NEBL: variants seen among roughly 807,000 people sequenced by gnomAD.
NEBL encodes LIM and SH3 protein 2.
In NEBL, 122 loss-of-function variants were observed where a neutral mutation model predicts 140.2. That is an observed-to-expected ratio of 0.87 (90% CI 0.75 to 1.01). The LOEUF (loss-of-function observed/expected upper bound fraction) is 1.01, where lower values mean the gene tolerates loss of function less well. Among genes scored for constraint, NEBL ranks in the 50% least tolerant of loss-of-function variants. The pLI, the probability that NEBL is intolerant of heterozygous loss-of-function variation, is 0.00. For synonymous variants in NEBL, 436 were observed against 398.9 expected, an observed-to-expected ratio of 1.09 and a Z score of -1.11; for missense variants, 1,365 against 1,231.3, an observed-to-expected ratio of 1.11 and a Z score of -1.62.
chr10:21,238,435 C>CA (rs891753456), intron 3 of NEBL, among the ~76,000 whole-genome samples: 57 of 152,062 alleles, frequency 3.7e-4, no homozygotes, highest in Non-Finnish European at 7.5e-4. Flanking sequence ...CCCGGTGGCT[C>CA]ACGCCTGTAA....
At chr10:20,956,963 G>A (rs565876309) in intron 4 of NEBL, among the ~76,000 whole-genome samples, 4 of 152,230 alleles carry the variant, frequency 2.6e-5, no homozygotes, top group South Asian at 2.1e-4. Context: ...TTGACTGCTT[G>A]TCTTCTGTCC....
chr10:20,820,811 T>G (rs574362896), intron 19 of NEBL, among the ~76,000 whole-genome samples: 7 of 151,338 alleles, frequency 4.6e-5, no homozygotes, highest in African/African-American at 1.7e-4. Flanking sequence ...GGTGACAGAG[T>G]AAGACTCTAT....
At chr10:21,041,029 C>T (rs77141181) in intron 2 of NEBL, among the ~76,000 whole-genome samples, 2,662 of 152,210 alleles carry the variant, frequency 0.017, 84 homozygotes, top group African/African-American at 0.061. Context: ...CAGGTAGTTC[C>T]TTATAGCAAT....
rs557877072 is a variant in NEBL, at chr10:21,259,061, G to C, written n.183-7233C>G. 2.7e-5 allele frequency among the ~76,000 whole-genome samples: 4 copies of C among 150,664 alleles called. No homozygotes were observed. In the South Asian group the frequency reaches 8.4e-4, roughly 32 times the overall value. On this transcript the variant is annotated intron_variant and non_coding_transcript_variant, in intron 1 of 8. Coordinates refer to the NEBL transcript ENST00000675702. ...TAGTGGTGATACTTGGGGAAAAAAA[G>C]ACGCACAGTCTTTTTTTTTTTTTAA...
chr10:21,255,087 C>A (rs949338237), intron 1 of NEBL, among the ~76,000 whole-genome samples: 23 of 152,002 alleles, frequency 1.5e-4, no homozygotes, highest in African/African-American at 5.3e-4. Context: ...CGAAGGGCCC[C>A]AAACAAAGCT....
chr10:21,185,644 A>ATG lies in NEBL; in HGVS notation n.349-13169_349-13168dup, dbSNP rs532935693. Reference sequence around the variant, plus strand: ...CTCCCGAGTAGCTGGGATTACAGGCATGCCACCACACCTGGCTAATTTTTG... The same window carrying ATG: ...CTCCCGAGTAGCTGGGATTACAGGCATGTGCCACCACACCTGGCTAATTTTTG... On this transcript the variant is annotated intron_variant and non_coding_transcript_variant, in intron 3 of 8. Coordinates refer to the NEBL transcript ENST00000675702. 1.7e-4 allele frequency among the ~76,000 whole-genome samples: 26 copies of ATG among 151,618 alleles called. No homozygotes were observed. In the East Asian group the frequency reaches 2.1e-3, roughly 13 times the overall value.
At chr10:21,222,728 C>A (rs1052181651) in intron 3 of NEBL, among the ~76,000 whole-genome samples, 8 of 152,184 alleles carry the variant, frequency 5.3e-5, no homozygotes, top group African/African-American at 1.9e-4. Context: ...TTTATCCTTT[C>A]TTTGCATTAC....
At chr10:21,125,227 T>C (rs10828193) in intron 2 of NEBL, among the ~76,000 whole-genome samples, 50,362 of 148,056 alleles carry the variant, frequency 0.34, 8,579 homozygotes, top group African/African-American at 0.44. Context: ...CACATGCATA[T>C]ACACACACAC....
At chr10:21,145,146 A>T (rs1839835317) in intron 2 of NEBL, among the ~76,000 whole-genome samples, 1 of 152,186 alleles carries the variant, frequency 6.6e-6, no homozygotes, top group Admixed American at 6.5e-5. Flanking sequence ...TTAGATTCAC[A>T]AGATAGGGAA....
intron 2 of NEBL, among the ~76,000 whole-genome samples, chr10:21,168,236 G>T (rs143355982): frequency 1.3e-5 from 2 of 152,160 alleles, no homozygotes; most frequent in Admixed American, 1.3e-4. Context: ...CTCAGGTAGC[G>T]ATTAAAATGA....
At chr10:20,851,635 A>G (rs1004458506) in intron 10 of NEBL, among the ~76,000 whole-genome samples, 8 of 151,138 alleles carry the variant, frequency 5.3e-5, no homozygotes, top group East Asian at 1.9e-4. Context: ...AAAAAAAAAA[A>G]TTAGCCAGGC....
In NEBL at chr10:20,828,546, T is replaced by C. The variant is rs1840102610; in HGVS notation, c.1760A>G (p.Gln587Arg). The C allele has an allele frequency of 1.3e-6, 2 of 1,584,876 alleles. No individual in the cohort carries two copies. The highest frequency in any genetic ancestry group is 2.7e-5 in the African/African-American group (2 of 74,322). The change falls in exon 17 of 28, where the codon CAA (glutamine) becomes CGA (arginine). Residue 587 changes from glutamine (Q) to arginine (R), a missense_variant. Coordinates refer to ENST00000377122, the MANE Select transcript of NEBL (RefSeq NM_006393.3). ...TPEIQRIKTT[Q>R]QNISAVFYKK... is the part of the protein sequence containing the mutation. ...GCTACTCACCGCACTAATGTTTTGT[T>C]GAGTTGTCTTAATTCTCTGAATTTC...
chr10:20,802,411 T>C (rs1261662639), intron 26 of NEBL, among the ~76,000 whole-genome samples: 1 of 152,052 alleles, frequency 6.6e-6, no homozygotes. Flanking sequence ...CAAAACAAAA[T>C]TGGGTAGAGG....
intron 25 of NEBL, among the ~76,000 whole-genome samples, chr10:20,809,247 C>G (rs116248841): frequency 0.012 from 1,752 of 152,230 alleles, 32 homozygotes; most frequent in African/African-American, 0.037. Flanking sequence ...ATCAAGCCAT[C>G]ATTCGTACCC....
intron 2 of NEBL, among the ~76,000 whole-genome samples, chr10:21,158,761 T>C (rs1589295535): frequency 6.6e-6 from 1 of 152,226 alleles, no homozygotes; most frequent in East Asian, 1.9e-4. Flanking sequence ...TTTACTTTAA[T>C]TTCTTAATGA....
intron 3 of NEBL, among the ~76,000 whole-genome samples, chr10:20,982,581 G>T (rs897649518): frequency 2.6e-5 from 4 of 152,116 alleles, no homozygotes; most frequent in Non-Finnish European, 5.9e-5. Flanking sequence ...CTATATTTCT[G>T]TTGAAAAGAT....
intron 3 of NEBL, among the ~76,000 whole-genome samples, chr10:21,211,020 G>GA (rs1334291415): frequency 6.6e-6 from 1 of 152,142 alleles, no homozygotes; most frequent in Non-Finnish European, 1.5e-5. Flanking sequence ...AGAAAACCAT[G>GA]ATCCATATCC....
At chr10:21,105,266 G>T (rs1837659118) in intron 2 of NEBL, among the ~76,000 whole-genome samples, 2 of 152,050 alleles carry the variant, frequency 1.3e-5, no homozygotes, top group Admixed American at 1.3e-4. Flanking sequence ...CATGTGCCAT[G>T]TTTGTTGGCT....
intron 1 of NEBL, among the ~76,000 whole-genome samples, chr10:21,281,096 A>G (rs1842986445): frequency 6.6e-6 from 1 of 152,206 alleles, no homozygotes; most frequent in Admixed American, 6.5e-5. Flanking sequence ...GTCAAGCACA[A>G]ATGCTCTTCC....
Sources: gnomAD v4.1 joint callset for allele counts (sites outside exome capture counted in the v4.1 genomes callset) on GRCh38, gnomAD v4.1.1 for gene constraint, MANE v1.5 for transcripts, NCBI Gene and HGNC (gene_info 2026-07-23, HGNC 2026-07-21) for gene names.